Variants in POF1B observed in about 807,000 individuals in gnomAD.
POF1B encodes POF1B actin binding protein, also known as protein POF1B.
POF1B carries 53 observed loss-of-function variants against 55.3 expected under a neutral mutation model. That is an observed-to-expected ratio of 0.96 (90% CI 0.77 to 1.20). The LOEUF is 1.20. POF1B is among the 50% of genes most tolerant of loss of function. The pLI, the probability that POF1B is intolerant of heterozygous loss-of-function variation, is 0.00. For missense variants in POF1B, 478 were observed against 420.5 expected, an observed-to-expected ratio of 1.14 and a Z score of -1.20; for synonymous variants, 188 against 148.3, an observed-to-expected ratio of 1.27 and a Z score of -1.95.
intron 7 of POF1B, among the ~76,000 whole-genome samples, chrX:85,326,357 T>C (rs1391240264): frequency 9.2e-6 from 1 of 108,959 alleles, no homozygotes; most frequent in Non-Finnish European, 1.9e-5. Flanking sequence ...GGTGGGGCAC[T>C]GGTAGCACTG....
chrX:85,314,584 TG>T, intron 8 of POF1B, 78 bp from the exon 9 acceptor site: 1 of 663,835 alleles, frequency 1.5e-6, no homozygotes. Context: ...TTTTGTGTAA[TG>T]GGACATATTT....
Position 85,359,618 on chromosome X carries a change from G to A in POF1B, c.370C>T (p.Pro124Ser). 8.4e-7 allele frequency: 1 copy of A among 1,192,723 alleles called. No individual in the cohort carries two copies. The highest frequency in any genetic ancestry group is 1.1e-6 in the Non-Finnish European group (1 of 882,222). The change falls in exon 4 of 17, where the codon CCA becomes TCA. Residue 124 changes from proline (P) to serine (S), a missense_variant. Physicochemically the swap from Pro to Ser is moderately conservative, Grantham distance 74 (BLOSUM62 -1). Transcript: ENST00000262753. ...GGATATGTAGTAAGTTTCACTGTTG[G>A]AGAATGAAGTTCCTGTGAAGAAAAG... ...TQNTEQELHS[P>S]TVKLTTYPQT...
At chrX:85,348,190 A>G (rs747114823) in intron 5 of POF1B, among the ~76,000 whole-genome samples, 2 of 111,336 alleles carry the variant, frequency 1.8e-5, no homozygotes, top group African/African-American at 6.5e-5. Flanking sequence ...TGGCCTGTCA[A>G]CAATTTACTG....
intron 5 of POF1B, among the ~76,000 whole-genome samples, chrX:85,348,549 G>T (rs1933317206): frequency 9.0e-6 from 1 of 110,594 alleles, no homozygotes; most frequent in South Asian, 3.8e-4. Flanking sequence ...GGTTCATCCA[G>T]ACTCTGGCTT....
At position 85,345,845 on chromosome X, in the gene POF1B, G is replaced by C. The variant is rs374872960; in HGVS notation, c.723+15C>G. 1.9e-5 allele frequency: 22 copies of C among 1,171,469 alleles called. No homozygotes were observed. In the African/African-American group the frequency reaches 3.6e-4, roughly 19 times the overall value. ...ATTATTTCAGTTTGTTAAGGAATCAGCTGATTGATCTTACCTGCTCACAAA... is the reference window on the plus strand; with the variant it reads ...ATTATTTCAGTTTGTTAAGGAATCACCTGATTGATCTTACCTGCTCACAAA... On this transcript the variant is annotated intron_variant, in intron 6 of 16. Transcript: ENST00000262753.
intron 7 of POF1B, among the ~76,000 whole-genome samples, chrX:85,328,330 G>A (rs1447885949): frequency 9.2e-6 from 1 of 108,382 alleles, no homozygotes; most frequent in African/African-American, 3.4e-5. Flanking sequence ...TTAGCCTCCT[G>A]AGTAGCTGGG....
At chrX:85,307,341 G>C (rs1389304969) in intron 10 of POF1B, 65 bp from the exon 11 acceptor site, 1 of 664,691 alleles carries the variant, frequency 1.5e-6, no homozygotes, top group Non-Finnish European at 2.2e-6. Context: ...ATAATACAAA[G>C]ACTTGCTTAC....
chrX:85,337,354 G>C lies in POF1B; in HGVS notation c.724-6275C>G, dbSNP rs1196295869. Among the ~76,000 whole-genome samples, 3 of 111,710 alleles carry C rather than the reference G, an allele frequency of 2.7e-5. No individual in the cohort carries two copies. The Admixed American group carries it at 2.9e-4, about 11-fold the overall frequency. Reference sequence around the variant, plus strand: ...AGCCTCTGTCAGGTTATGAGGGATGGGTGGCATCAGCAATTCAAGACTGTT... The same window carrying C: ...AGCCTCTGTCAGGTTATGAGGGATGCGTGGCATCAGCAATTCAAGACTGTT... On this transcript the variant is annotated intron_variant, in intron 6 of 16. Coordinates refer to ENST00000262753, the MANE Select transcript of POF1B (RefSeq NM_024921.4).
At chrX:85,305,579 A>G (rs1045508770) in intron 13 of POF1B, among the ~76,000 whole-genome samples, 1 of 112,045 alleles carries the variant, frequency 8.9e-6, no homozygotes, top group African/African-American at 3.2e-5. Context: ...ATCTTCTTTT[A>G]CTTTCCTAGA....
chrX:85,284,918 G>A (rs1932009584), intron 15 of POF1B, among the ~76,000 whole-genome samples: 1 of 111,461 alleles, frequency 9.0e-6, no homozygotes, highest in Admixed American at 9.5e-5. Flanking sequence ...CTGACAAAGG[G>A]CTAATATACA....
chrX:85,364,209 A>G (rs2147947558), intron 3 of POF1B, among the ~76,000 whole-genome samples: 1 of 111,064 alleles, frequency 9.0e-6, no homozygotes, highest in South Asian at 3.8e-4. Flanking sequence ...CCAGCTTGCC[A>G]TTCTGTGCCT....
rs183043322 is a variant in POF1B at position 85,288,916 on chromosome X, T to C, written c.1650-6599A>G. ...AAAACAAACTAATACAGGCAGTCTA[T>C]AAGTACAAATGCTATGCAGCTCTGT... On this transcript the variant is annotated intron_variant, in intron 15 of 16. Coordinates refer to ENST00000262753, the MANE Select transcript of POF1B (RefSeq NM_024921.4). Among the ~76,000 whole-genome samples the C allele has an allele frequency of 1.4e-3, 156 of 111,821 alleles. 1 individual carries two copies. Among genetic ancestry groups the C allele is most frequent in the African/African-American group, 5.0e-3 (153 of 30,777 alleles).
chrX:85,346,116 T>C (rs1175632968), intron 5 of POF1B, 74 bp from the exon 6 acceptor site: 14 of 764,876 alleles, frequency 1.8e-5, no homozygotes, highest in Non-Finnish European at 1.9e-5. Flanking sequence ...ACTGAAACCA[T>C]TTTTTTAAAC....
intron 3 of POF1B, among the ~76,000 whole-genome samples, chrX:85,360,556 T>TAC (rs1569297599): frequency 1.2e-5 from 1 of 83,961 alleles, no homozygotes; most frequent in Non-Finnish European, 2.0e-5. Flanking sequence ...TATATATATA[T>TAC]ATACATATAT....
chrX:85,361,282 T>TCC (rs1189303384), intron 3 of POF1B, among the ~76,000 whole-genome samples: 9 of 107,782 alleles, frequency 8.4e-5, no homozygotes, highest in East Asian at 5.8e-4. Context: ...TGACATTTTG[T>TCC]TTCTATGTCC....
At chrX:85,329,644 T>A (rs575383720) in intron 7 of POF1B, among the ~76,000 whole-genome samples, 449 of 104,897 alleles carry the variant, frequency 4.3e-3, no homozygotes, top group Middle Eastern at 9.7e-3. Context: ...TTTTTTTTTT[T>A]AAAAAAAGAG....
At chrX:85,283,014 G>T (rs1475342724) in intron 15 of POF1B, among the ~76,000 whole-genome samples, 1 of 111,465 alleles carries the variant, frequency 9.0e-6, no homozygotes, top group African/African-American at 3.3e-5. Context: ...GCAGAATATT[G>T]CCTTAGTAGT....
rs1931829637 is a variant in POF1B, at chrX:85,278,654, C to T, written c.*767G>A. ...ACTATGAAAAAACTTACCTTCCTTA[C>T]ACCTACTACTACCACATTGTGTTAT... On this transcript the variant is annotated 3_prime_UTR_variant, in exon 17 of 17. Transcript: ENST00000262753. 9.0e-6 allele frequency: 1 copy of T among 111,103 alleles called. No individual in the cohort carries two copies. Among genetic ancestry groups the T allele is most frequent in the Non-Finnish European group, 1.9e-5 (1 of 52,521 alleles). 9.2% of individuals were successfully genotyped at this position (111,103 alleles called of 1,213,427 possible).
intron 5 of POF1B, among the ~76,000 whole-genome samples, chrX:85,348,364 C>T (rs1300608860): frequency 3.6e-5 from 4 of 111,176 alleles, no homozygotes; most frequent in Middle Eastern, 4.6e-3. Context: ...TATTGTTTTT[C>T]CTTTTTGATA....
Sources: gnomAD v4.1 joint callset for allele counts (sites outside exome capture counted in the v4.1 genomes callset) on GRCh38, gnomAD v4.1.1 for gene constraint, MANE v1.5 for transcripts, NCBI Gene and HGNC (gene_info 2026-07-23, HGNC 2026-07-21) for gene names.